Variants in SLC38A12 observed in about 807,000 individuals in gnomAD.
SLC38A12 encodes the protein putative sodium-coupled neutral amino acid transporter 12.
At chr17:74,796,003 C>G in the SLC38A12 span, among the ~76,000 whole-genome samples, 1 of 152,182 alleles carries the variant, frequency 6.6e-6, no homozygotes, top group Non-Finnish European at 1.5e-5. Context: ...GACCTTACTC[C>G]TGGCCAGCCC....
the SLC38A12 span, among the ~76,000 whole-genome samples, chr17:74,821,457 G>C: frequency 1.3e-5 from 2 of 152,202 alleles, no homozygotes; most frequent in Non-Finnish European, 1.5e-5. Flanking sequence ...CTACCTGGGG[G>C]AAGATGGGAG....
the SLC38A12 span, among the ~76,000 whole-genome samples, chr17:74,824,083 C>G: frequency 6.6e-6 from 1 of 152,212 alleles, no homozygotes; most frequent in African/African-American, 2.4e-5. Flanking sequence ...GGGACATGAC[C>G]TCAGCTACCT....
the SLC38A12 span, chr17:74,839,451 A>T: frequency 3.8e-6 from 1 of 265,032 alleles, no homozygotes; most frequent in African/African-American, 2.2e-5. Context: ...AGGGTGACCC[A>T]TGGTTAAGGG....
At chr17:74,838,176 C>T in the SLC38A12 span, 34 of 985,558 alleles carry the variant, frequency 3.4e-5, no homozygotes, top group African/African-American at 5.2e-4. Flanking sequence ...TGTAATTGGC[C>T]TCAGCCCGCT....
the SLC38A12 span, among the ~76,000 whole-genome samples, chr17:74,794,235 G>A: frequency 3.3e-5 from 5 of 152,174 alleles, no homozygotes; most frequent in Non-Finnish European, 7.3e-5. Context: ...TGGACTTACT[G>A]GGGTCCTGAA....
the SLC38A12 span, among the ~76,000 whole-genome samples, chr17:74,799,048 C>T: frequency 6.6e-6 from 1 of 152,118 alleles, no homozygotes; most frequent in Non-Finnish European, 1.5e-5. Context: ...GGATCAAGGG[C>T]ACTGCCCAGC....
chr17:74,837,646 G>A, the SLC38A12 span: 3 of 985,580 alleles, frequency 3.0e-6, no homozygotes, highest in Non-Finnish European at 3.6e-6. Flanking sequence ...CTGAGCGTGG[G>A]TGCTCAGTGT....
the SLC38A12 span, among the ~76,000 whole-genome samples, chr17:74,788,011 G>A: frequency 1.3e-5 from 2 of 152,026 alleles, no homozygotes; most frequent in East Asian, 1.9e-4. Flanking sequence ...GGCCAGGCTG[G>A]TCTTGAACTC....
At chr17:74,792,831 G>T in the SLC38A12 span, among the ~76,000 whole-genome samples, 1 of 152,226 alleles carries the variant, frequency 6.6e-6, no homozygotes. Flanking sequence ...CAACTGGTCA[G>T]GTTCAGCCCG....
the SLC38A12 span, among the ~76,000 whole-genome samples, chr17:74,816,802 G>A: frequency 6.6e-6 from 1 of 152,106 alleles, no homozygotes; most frequent in Non-Finnish European, 1.5e-5. Context: ...ATGGCATTTG[G>A]GGGTTGGAAA....
chr17:74,817,199 T>G, the SLC38A12 span, among the ~76,000 whole-genome samples: 1 of 152,216 alleles, frequency 6.6e-6, no homozygotes, highest in Non-Finnish European at 1.5e-5. Flanking sequence ...TGTCTTCATC[T>G]GGGTGCTCTC....
At chr17:74,821,987 G>A in the SLC38A12 span, among the ~76,000 whole-genome samples, 1 of 152,234 alleles carries the variant, frequency 6.6e-6, no homozygotes, top group African/African-American at 2.4e-5. Flanking sequence ...TAGCCGGCAT[G>A]GGGATGACAC....
At chr17:74,822,951 G>A in the SLC38A12 span, among the ~76,000 whole-genome samples, 1 of 152,164 alleles carries the variant, frequency 6.6e-6, no homozygotes, top group South Asian at 2.1e-4. Context: ...AGGGTTTCTC[G>A]CCTCTGGGCC....
the SLC38A12 span, among the ~76,000 whole-genome samples, chr17:74,815,496 G>A: frequency 6.6e-6 from 1 of 152,188 alleles, no homozygotes; most frequent in Non-Finnish European, 1.5e-5. Flanking sequence ...GGGATGGGGA[G>A]ATAAGTATCT....
chr17:74,836,895 C>T, the SLC38A12 span: 1 of 1,371,950 alleles, frequency 7.3e-7, no homozygotes, highest in Non-Finnish European at 9.4e-7. The surrounding 1 kb of genome is among the most constrained non-coding windows in gnomAD (Gnocchi z 4.2). Flanking sequence ...GCAGCTCTCC[C>T]ACCAGGTCCT....
At chr17:74,784,468 T>C in the SLC38A12 span, among the ~76,000 whole-genome samples, 1 of 152,158 alleles carries the variant, frequency 6.6e-6, no homozygotes, top group Non-Finnish European at 1.5e-5. Flanking sequence ...TGTAGGTGAC[T>C]AGCAGGCAGC....
At chr17:74,819,687 T>G in the SLC38A12 span, 1 of 1,509,844 alleles carries the variant, frequency 6.6e-7, no homozygotes, top group Non-Finnish European at 9.2e-7. Flanking sequence ...AGCAGCGTCT[T>G]CCGTGTGCAG....
the SLC38A12 span, among the ~76,000 whole-genome samples, chr17:74,815,084 G>T: frequency 5.9e-5 from 9 of 152,244 alleles, no homozygotes; most frequent in African/African-American, 2.2e-4. Flanking sequence ...CAGAGAGGGG[G>T]ACCTTCTCCC....
the SLC38A12 span, among the ~76,000 whole-genome samples, chr17:74,835,454 G>C: frequency 6.6e-6 from 1 of 152,076 alleles, no homozygotes; most frequent in Non-Finnish European, 1.5e-5. Context: ...GCCCTTCTTC[G>C]TCTACCCCCC....
Sources: gnomAD v4.1 joint callset for allele counts (sites outside exome capture counted in the v4.1 genomes callset) on GRCh38, gnomAD v4.1.1 for gene constraint, Gnocchi (gnomAD v3.1) non-coding constraint, MANE v1.5 for transcripts, NCBI Gene and HGNC (gene_info 2026-07-23, HGNC 2026-07-21) for gene names.